CNTNAP2: variants seen among roughly 807,000 people sequenced by gnomAD.
The protein encoded by CNTNAP2 is contactin-associated protein-like 2.
Under a neutral mutation model 155.2 loss-of-function variants are expected in CNTNAP2, and 98 were observed. The ratio of observed to expected loss-of-function variants is 0.63; its 90% CI spans 0.54 to 0.75. The LOEUF (loss-of-function observed/expected upper bound fraction) is 0.75, where lower values mean the gene tolerates loss of function less well. Among genes scored for constraint, CNTNAP2 ranks in the 30% least tolerant of loss-of-function variants. CNTNAP2 has a pLI of 0.00. For missense variants in CNTNAP2, 1,727 were observed against 1,688.1 expected (o/e 1.02, Z -0.40); for synonymous variants, 651 against 631.2 (o/e 1.03, Z -0.47).
At chr7:146,882,478 G>T (rs185549567) in intron 3 of CNTNAP2, among the ~76,000 whole-genome samples, 2 of 151,998 alleles carry the variant, frequency 1.3e-5, no homozygotes, top group African/African-American at 4.8e-5. Context: ...GAGTTCTCAC[G>T]ACATCTGATG....
rs1479888411 is a variant in CNTNAP2, at chr7:147,312,734, G to A, written c.1498+12444G>A. Among the ~76,000 whole-genome samples, 2 of 108,086 alleles carry A rather than the reference G, an allele frequency of 1.9e-5. 1 individual carries two copies. 70.9% of individuals were successfully genotyped at this position (108,086 alleles called of 152,430 possible). On this transcript the variant is annotated intron_variant, in intron 9 of 23. Transcript: ENST00000361727. The stretch of plus-strand genomic sequence containing the variant: ...CTGCAATAAACATACGTGTATTTGT[G>A]TCTTTATAACAGCATGATTTATAGT...
chr7:146,941,218 C>A (rs1372746449), intron 3 of CNTNAP2, among the ~76,000 whole-genome samples: 1 of 151,972 alleles, frequency 6.6e-6, no homozygotes, highest in Non-Finnish European at 1.5e-5. Context: ...TGGTGATTTT[C>A]TCTAGTGGTA....
intron 2 of CNTNAP2, among the ~76,000 whole-genome samples, chr7:146,813,686 T>C (rs148577003): frequency 6.7e-4 from 102 of 152,220 alleles, no homozygotes; most frequent in African/African-American, 2.3e-3. Flanking sequence ...AAATGGATGA[T>C]TGTGTTTCGA....
intron 1 of CNTNAP2, among the ~76,000 whole-genome samples, chr7:146,233,047 G>A (rs941580234): frequency 2.0e-5 from 3 of 152,028 alleles, no homozygotes; most frequent in African/African-American, 7.2e-5. Context: ...TAATCTACAT[G>A]TTAGAGTATA....
chr7:146,879,103 A>T (rs1179220004), intron 3 of CNTNAP2, among the ~76,000 whole-genome samples: 1 of 152,208 alleles, frequency 6.6e-6, no homozygotes, highest in Admixed American at 6.6e-5. Flanking sequence ...TGGAAAGCAG[A>T]TGCCTTCATA....
At chr7:146,416,534 G>T (rs1718094) in intron 1 of CNTNAP2, among the ~76,000 whole-genome samples, 5,411 of 151,784 alleles carry the variant, frequency 0.036, 342 homozygotes, top group African/African-American at 0.12. Context: ...CAACTAGAGG[G>T]GCTTGCCACC....
intron 16 of CNTNAP2, among the ~76,000 whole-genome samples, chr7:148,131,060 T>G (rs1255101823): frequency 6.6e-6 from 1 of 150,708 alleles, no homozygotes; most frequent in Admixed American, 6.6e-5. Flanking sequence ...TCTTGGATTC[T>G]AACGTTTTCT....
chr7:147,968,429 A>G (rs992573276), intron 14 of CNTNAP2, among the ~76,000 whole-genome samples: 1 of 152,192 alleles, frequency 6.6e-6, no homozygotes, highest in South Asian at 2.1e-4. Context: ...CTTCCTAGCA[A>G]CACTAGCTTC....
intron 1 of CNTNAP2, among the ~76,000 whole-genome samples, chr7:146,637,067 A>G (rs1377543597): frequency 6.6e-6 from 1 of 152,206 alleles, no homozygotes; most frequent in Non-Finnish European, 1.5e-5. Flanking sequence ...TTAATTAAAT[A>G]AAAACCTTGA....
rs1386050621 is a variant in CNTNAP2 at position 146,682,169 on chromosome 7, TTTAA to T, written c.98-92094_98-92091del. On this transcript the variant is annotated intron_variant, in intron 1 of 23. Coordinates refer to ENST00000361727, the MANE Select transcript of CNTNAP2 (RefSeq NM_014141.6). ...TCTTATAAATTCTTTGTATCAAAATTTTAATTAATTAGAGTGACCTAGTTTCCTC... is the reference window on the plus strand; with the variant it reads ...TCTTATAAATTCTTTGTATCAAAATTTTAATTAGAGTGACCTAGTTTCCTC... Among the ~76,000 whole-genome samples, 57 of 152,252 alleles carry T rather than the reference TTTAA, an allele frequency of 3.7e-4. No individual in the cohort carries two copies. The South Asian group carries it at 5.8e-3, about 16-fold the overall frequency.
intron 10 of CNTNAP2, among the ~76,000 whole-genome samples, chr7:147,408,139 T>C (rs1312983323): frequency 6.6e-6 from 1 of 150,554 alleles, no homozygotes; most frequent in East Asian, 1.9e-4. Context: ...ACTTTCTTAC[T>C]GATTTATGAA....
intron 3 of CNTNAP2, among the ~76,000 whole-genome samples, chr7:146,891,954 A>G (rs1204221143): frequency 6.6e-6 from 1 of 152,184 alleles, no homozygotes; most frequent in Non-Finnish European, 1.5e-5. Flanking sequence ...CTTCCCACCT[A>G]TTAATGTTTT....
rs576920705 is a variant in CNTNAP2, at chr7:147,246,042, T to TGCATATATATATACACATATATATG, written c.1349-54085_1349-54061dup. 1.1e-3 allele frequency among the ~76,000 whole-genome samples: 122 copies of TGCATATATATATACACATATATATG among 106,528 alleles called. 1 individual carries two copies. The highest frequency in any genetic ancestry group is 1.1e-3 in the East Asian group (1 of 926). The allele number at this position is 106,528 out of a possible 152,430, so 69.9% of individuals were successfully genotyped here. ...AAGACTCACACATACACATATAACG[T>TGCATATATATATACACATATATATG]GCATATATATATACACATATATATG... On this transcript the variant is annotated intron_variant, in intron 8 of 23. Coordinates refer to ENST00000361727, the MANE Select transcript of CNTNAP2 (RefSeq NM_014141.6).
intron 1 of CNTNAP2, among the ~76,000 whole-genome samples, chr7:146,759,191 C>T (rs1802042886): frequency 2.0e-5 from 3 of 152,104 alleles, no homozygotes. Flanking sequence ...TATAATATAT[C>T]CTAGAAATCA....
At chr7:148,094,144 A>G (rs1411271261) in intron 15 of CNTNAP2, among the ~76,000 whole-genome samples, 1 of 152,222 alleles carries the variant, frequency 6.6e-6, no homozygotes. Flanking sequence ...CTTTCTCTGA[A>G]GTCCCTCCTA....
Position 147,108,260 on chromosome 7 carries a change from G to C in CNTNAP2, c.664G>C (p.Glu222Gln), listed in dbSNP as rs532524611. Residue 222 changes from glutamate (E) to glutamine (Q), a missense_variant, in exon 5 of 24, where the codon GAA (glutamate) becomes CAA (glutamine). Physicochemically the swap from Glu to Gln is conservative, Grantham distance 29. Coordinates refer to ENST00000361727, the MANE Select transcript of CNTNAP2 (RefSeq NM_014141.6). ...IALNFKTSES[E>Q]GVILHGEGQQ... ...CTTGAACTTTAAGACGTCTGAAAGT[G>C]AAGGAGTAATCCTGCACGGAGAAGG... The C allele has an allele frequency of 4.3e-6, 7 of 1,613,776 alleles. No individual in the cohort carries two copies. The African/African-American group carries it at 6.7e-5, about 15-fold the overall frequency.
At chr7:147,697,495 A>T (rs1796179148) in intron 13 of CNTNAP2, among the ~76,000 whole-genome samples, 1 of 151,828 alleles carries the variant, frequency 6.6e-6, no homozygotes, top group Admixed American at 6.6e-5. Flanking sequence ...ACCATATCTG[A>T]CTCTGGTTCT....
chr7:146,247,047 G>A (rs1350345290), intron 1 of CNTNAP2, among the ~76,000 whole-genome samples: 1 of 152,164 alleles, frequency 6.6e-6, no homozygotes, highest in Non-Finnish European at 1.5e-5. Flanking sequence ...TTAATTTTTG[G>A]AGTTGTATTT....
chr7:146,478,198 G>T, intron 1 of CNTNAP2, among the ~76,000 whole-genome samples: 1 of 151,922 alleles, frequency 6.6e-6, no homozygotes, highest in East Asian at 1.9e-4. Context: ...TCAAGCCTGA[G>T]AGAAGAGTAC....
Sources: allele counts gnomAD v4.1 joint callset (sites outside exome capture counted in the v4.1 genomes callset), GRCh38; gene constraint gnomAD v4.1.1; transcripts MANE v1.5; gene names NCBI Gene and HGNC (gene_info 2026-07-23, HGNC 2026-07-21).